DCC: variants seen among roughly 807,000 people sequenced by gnomAD.
The protein encoded by DCC is DCC netrin 1 receptor.
In DCC, 58 loss-of-function variants were observed where a neutral mutation model predicts 172.5. That is an observed-to-expected ratio of 0.34 (90% CI 0.27 to 0.42). The LOEUF (loss-of-function observed/expected upper bound fraction) is 0.42, where lower values mean the gene tolerates loss of function less well. Ranked by LOEUF, DCC falls within the 10% of genes least tolerant of loss-of-function variation. DCC has a pLI of 1.00. For missense variants in DCC, 1,740 were observed against 1,791.0 expected, an observed-to-expected ratio of 0.97 and a Z score of 0.51; for synonymous variants, 709 against 644.5, an observed-to-expected ratio of 1.10 and a Z score of -1.52.
At chr18:52,841,049 A>C (rs1264041393) in intron 2 of DCC, among the ~76,000 whole-genome samples, 1 of 152,208 alleles carries the variant, frequency 6.6e-6, no homozygotes, top group Non-Finnish European at 1.5e-5. Context: ...CTCCGTGAAA[A>C]AGGCATTCAG....
intron 21 of DCC, among the ~76,000 whole-genome samples, chr18:53,425,170 G>A (rs1910839249): frequency 6.6e-6 from 1 of 150,832 alleles, no homozygotes; most frequent in South Asian, 2.1e-4. Flanking sequence ...ACTTTTTCCA[G>A]TACTCTGCAT....
At chr18:53,346,354 G>A (rs1214151739) in intron 15 of DCC, among the ~76,000 whole-genome samples, 3 of 151,844 alleles carry the variant, frequency 2.0e-5, no homozygotes, top group Non-Finnish European at 4.4e-5. Flanking sequence ...TGGTCATTTT[G>A]TCTTCAAATA....
At chr18:52,418,897 G>A (rs1987146843) in intron 1 of DCC, among the ~76,000 whole-genome samples, 1 of 106,776 alleles carries the variant, frequency 9.4e-6, no homozygotes, top group South Asian at 2.9e-4. Flanking sequence ...GTCTCACCCT[G>A]TTACCCAGGC....
intron 3 of DCC, among the ~76,000 whole-genome samples, chr18:52,906,894 G>A (rs944771560): frequency 4.0e-5 from 6 of 151,706 alleles, no homozygotes; most frequent in Non-Finnish European, 8.8e-5. Context: ...GAGATGAATG[G>A]CAACATCTTC....
In DCC at chr18:53,157,357, T is replaced by A. The variant is rs45447193; in HGVS notation, c.1263T>A (p.Ala421=). ...TAGCCTCCTCTTCTTTCTCCTTAGC[T>A]ATCCCAAGCTCCAGTGTCCTCCCTT... ...TSAQLIVPKP[A]IPSSSVLPSA... The change falls in exon 8 of 29, where the codon GCT becomes GCA. Residue 421 remains alanine, a splice_region_variant and synonymous_variant. Transcript: ENST00000442544. The A allele has an allele frequency of 0.025, 41,010 of 1,614,012 alleles. 607 individuals are homozygous for A. Among genetic ancestry groups the A allele is most frequent in the Non-Finnish European group, 0.029 (33,693 of 1,179,940 alleles).
intron 12 of DCC, among the ~76,000 whole-genome samples, chr18:53,235,319 G>A (rs16956399): frequency 0.092 from 14,006 of 152,096 alleles, 825 homozygotes; most frequent in African/African-American, 0.16. Context: ...TATTTCCATG[G>A]AAGCCTGTCT....
chr18:53,232,403 G>A (rs1359382157), intron 12 of DCC, among the ~76,000 whole-genome samples: 2 of 152,010 alleles, frequency 1.3e-5, no homozygotes, highest in African/African-American at 4.8e-5. Flanking sequence ...TGATGTTGTG[G>A]GTGGTCACAT....
chr18:53,099,001 C>G (rs900885491), intron 7 of DCC, among the ~76,000 whole-genome samples: 2 of 151,926 alleles, frequency 1.3e-5, no homozygotes, highest in Admixed American at 6.6e-5. Context: ...ATAGCAAGAC[C>G]TCTTCTCAAT....
intron 1 of DCC, among the ~76,000 whole-genome samples, chr18:52,656,917 C>T (rs760454787): frequency 6.6e-6 from 1 of 152,052 alleles, no homozygotes; most frequent in African/African-American, 2.4e-5. Context: ...TCAGAAATGT[C>T]GCCTTCAGAT....
chr18:53,402,401 A>ATAAAT (rs200912889), intron 18 of DCC, among the ~76,000 whole-genome samples: 4 of 144,690 alleles, frequency 2.8e-5, no homozygotes, highest in East Asian at 2.0e-4. Flanking sequence ...AAAAAAAAAA[A>ATAAAT]AAATAAATAA....
chr18:53,496,888 T>A (rs553653920), intron 26 of DCC, among the ~76,000 whole-genome samples: 2 of 151,776 alleles, frequency 1.3e-5, no homozygotes, highest in South Asian at 4.2e-4. Flanking sequence ...AATGTAGATT[T>A]TATTTCAAAA....
chr18:53,107,541 G>A (rs200922447), intron 7 of DCC, among the ~76,000 whole-genome samples: 44 of 137,526 alleles, frequency 3.2e-4, no homozygotes, highest in African/African-American at 5.3e-4. Flanking sequence ...AAAAAGGAAG[G>A]AAAAAAAAAA....
chr18:52,376,220 A>G (rs1434799572), intron 1 of DCC, among the ~76,000 whole-genome samples: 1 of 152,156 alleles, frequency 6.6e-6, no homozygotes, highest in African/African-American at 2.4e-5. Flanking sequence ...GAGGTCCTCA[A>G]TTGGAGGAAC....
intron 7 of DCC, among the ~76,000 whole-genome samples, chr18:53,116,376 A>C (rs2043409269): frequency 6.6e-6 from 1 of 151,712 alleles, no homozygotes; most frequent in South Asian, 2.1e-4. Context: ...GGAAGAAGTA[A>C]AGTGACAAAG....
At chr18:52,494,809 G>T (rs2030677939) in intron 1 of DCC, among the ~76,000 whole-genome samples, 1 of 152,002 alleles carries the variant, frequency 6.6e-6, no homozygotes, top group Admixed American at 6.6e-5. Context: ...ATTTGTGTTT[G>T]TGTTGTTTTT....
Position 52,689,084 on chromosome 18 carries a change from A to G in DCC, c.92-62970A>G, listed in dbSNP as rs1599020488. On this transcript the variant is annotated intron_variant, in intron 1 of 28. Transcript: ENST00000442544. ...CAAATGCACAGAATTTTGGTCAAGG[A>G]CATTGAAGTAAACATTTTATCTTTA... Among the ~76,000 whole-genome samples the G allele has an allele frequency of 4.6e-5, 7 of 152,288 alleles. 1 individual carries two copies. The highest frequency in any genetic ancestry group is 4.6e-4 in the Admixed American group (7 of 15,276).
chr18:52,686,606 C>T (rs530668776), intron 1 of DCC, among the ~76,000 whole-genome samples: 1 of 152,110 alleles, frequency 6.6e-6, no homozygotes, highest in Non-Finnish European at 1.5e-5. Flanking sequence ...AGATTCAGAA[C>T]CCCATTAGAT....
At chr18:52,606,746 C>T (rs1320410308) in intron 1 of DCC, among the ~76,000 whole-genome samples, 1 of 152,076 alleles carries the variant, frequency 6.6e-6, no homozygotes, top group African/African-American at 2.4e-5. Flanking sequence ...GCTTTTGTAA[C>T]TGGCTCAGGA....
chr18:53,383,677 T>C (rs748588616), intron 15 of DCC, among the ~76,000 whole-genome samples: 3 of 151,640 alleles, frequency 2.0e-5, no homozygotes, highest in African/African-American at 4.9e-5. Context: ...AGTCCAGGTT[T>C]CCAGACATTT....
Sources: gnomAD v4.1 joint callset for allele counts (sites outside exome capture counted in the v4.1 genomes callset) on GRCh38, gnomAD v4.1.1 for gene constraint, MANE v1.5 for transcripts, NCBI Gene and HGNC (gene_info 2026-07-23, HGNC 2026-07-21) for gene names.